TMEM178B: variants seen among roughly 807,000 people sequenced by gnomAD.
The protein encoded by TMEM178B is transmembrane protein 178B.
A neutral mutation model predicts 31.0 loss-of-function variants in TMEM178B; 5 were observed. The observed-to-expected ratio is 0.16, with a 90% CI of 0.08 to 0.34. The LOEUF (loss-of-function observed/expected upper bound fraction) is 0.34, where lower values mean the gene tolerates loss of function less well. Among genes scored for constraint, TMEM178B ranks in the 10% least tolerant of loss-of-function variants. The pLI is 1.00. For missense variants in TMEM178B, 275 were observed against 400.3 expected, an observed-to-expected ratio of 0.69 and a Z score of 2.67; for synonymous variants, 164 against 164.0, an observed-to-expected ratio of 1.00 and a Z score of 0.00.
At chr7:141,257,002 C>T (rs1046038854) in intron 2 of TMEM178B, among the ~76,000 whole-genome samples, 2 of 152,010 alleles carry the variant, frequency 1.3e-5, no homozygotes, top group Non-Finnish European at 2.9e-5. Flanking sequence ...TGGTGCTGGA[C>T]GAGATCACCT....
intron 2 of TMEM178B, among the ~76,000 whole-genome samples, chr7:141,283,008 C>A: frequency 6.6e-6 from 1 of 152,094 alleles, no homozygotes; most frequent in African/African-American, 2.4e-5. Flanking sequence ...ATTGTACCAA[C>A]CTAATAATGC....
chr7:141,363,370 A>C (rs896540607), intron 2 of TMEM178B, among the ~76,000 whole-genome samples: 2 of 152,192 alleles, frequency 1.3e-5, no homozygotes, highest in Non-Finnish European at 2.9e-5. Flanking sequence ...GTTTCTCAAG[A>C]TATCGTAACT....
chr7:141,207,597 G>C (rs1398811236), intron 1 of TMEM178B, among the ~76,000 whole-genome samples: 4 of 152,184 alleles, frequency 2.6e-5, no homozygotes, highest in Non-Finnish European at 5.9e-5. Context: ...TTGGAGAAAT[G>C]TCTGTTCAAA....
chr7:141,459,693 A>C (rs1035627605), intron 3 of TMEM178B, among the ~76,000 whole-genome samples: 1 of 152,250 alleles, frequency 6.6e-6, no homozygotes, highest in East Asian at 1.9e-4. Context: ...TCTAGGAGAC[A>C]GGACAATGGC....
At chr7:141,123,969 G>A (rs531740677) in intron 1 of TMEM178B, among the ~76,000 whole-genome samples, 27 of 152,258 alleles carry the variant, frequency 1.8e-4, no homozygotes, top group African/African-American at 6.3e-4. Flanking sequence ...TGCCCAGGCT[G>A]GTCTCAAACT....
chr7:141,232,771 G>T (rs1253059309), intron 2 of TMEM178B, among the ~76,000 whole-genome samples: 2 of 152,230 alleles, frequency 1.3e-5, no homozygotes, highest in Non-Finnish European at 2.9e-5. Context: ...TGGATCTCCA[G>T]CCACCCTACT....
intron 2 of TMEM178B, among the ~76,000 whole-genome samples, chr7:141,228,773 C>T (rs988285597): frequency 2.0e-5 from 3 of 152,126 alleles, no homozygotes; most frequent in Non-Finnish European, 4.4e-5. Context: ...TCCATTCGCT[C>T]GGCATCCATC....
chr7:141,383,594 A>G (rs6968682), intron 2 of TMEM178B, among the ~76,000 whole-genome samples: 33,534 of 152,082 alleles, frequency 0.22, 3,867 homozygotes, highest in Admixed American at 0.26. Flanking sequence ...TATATGTGCC[A>G]CATTTTCTTA....
At chr7:141,234,232 A>G (rs907124569) in intron 2 of TMEM178B, among the ~76,000 whole-genome samples, 1 of 152,204 alleles carries the variant, frequency 6.6e-6, no homozygotes, top group Non-Finnish European at 1.5e-5. Flanking sequence ...AAATCACTTC[A>G]ATAAAGGGCA....
At chr7:141,397,095 G>A (rs990045727) in intron 2 of TMEM178B, among the ~76,000 whole-genome samples, 4 of 152,168 alleles carry the variant, frequency 2.6e-5, no homozygotes, top group Admixed American at 6.5e-5. Context: ...GTCAGCTCAC[G>A]TTCATTGAAG....
At chr7:141,298,361 A>G (rs1798670833) in intron 2 of TMEM178B, among the ~76,000 whole-genome samples, 1 of 152,132 alleles carries the variant, frequency 6.6e-6, no homozygotes, top group South Asian at 2.1e-4. Flanking sequence ...CTTTAGTTTA[A>G]TTAGATCCCA....
intron 2 of TMEM178B, among the ~76,000 whole-genome samples, chr7:141,347,764 T>G (rs974144485): frequency 1.3e-5 from 2 of 151,980 alleles, no homozygotes; most frequent in Non-Finnish European, 2.9e-5. Flanking sequence ...TTTCCTGTCC[T>G]CCTCACCTCA....
chr7:141,304,221 C>T (rs1001759194), intron 2 of TMEM178B, among the ~76,000 whole-genome samples: 2 of 152,040 alleles, frequency 1.3e-5, no homozygotes, highest in Non-Finnish European at 2.9e-5. Context: ...TATCTTCCCA[C>T]CTGAAAGATC....
intron 2 of TMEM178B, among the ~76,000 whole-genome samples, chr7:141,303,858 C>G (rs977314504): frequency 1.3e-5 from 2 of 152,226 alleles, no homozygotes; most frequent in African/African-American, 2.4e-5. Flanking sequence ...TGGTCAGGCA[C>G]TATGCAAAGT....
At chr7:141,293,024 G>C (rs1798573250) in intron 2 of TMEM178B, among the ~76,000 whole-genome samples, 1 of 152,152 alleles carries the variant, frequency 6.6e-6, no homozygotes, top group Non-Finnish European at 1.5e-5. Context: ...CATGGCAAAA[G>C]GGTCCTGTGA....
At chr7:141,354,442 C>T (rs1799785089) in intron 2 of TMEM178B, among the ~76,000 whole-genome samples, 1 of 146,992 alleles carries the variant, frequency 6.8e-6, no homozygotes, top group African/African-American at 2.5e-5. Context: ...AAATTTGGCA[C>T]AGCAGACAGT....
At chr7:141,367,745 T>A (rs551555147) in intron 2 of TMEM178B, among the ~76,000 whole-genome samples, 10 of 152,214 alleles carry the variant, frequency 6.6e-5, no homozygotes, top group Admixed American at 5.9e-4. Context: ...CCCGACCTCC[T>A]CTCTTGGGAA....
intron 2 of TMEM178B, among the ~76,000 whole-genome samples, chr7:141,398,711 G>C (rs566805974): frequency 9.2e-5 from 14 of 152,308 alleles, no homozygotes; most frequent in Non-Finnish European, 8.8e-5. Context: ...GAAGCCACAG[G>C]GGGTACTGTG....
intron 2 of TMEM178B, among the ~76,000 whole-genome samples, chr7:141,303,199 C>T (rs1295926674): frequency 6.6e-6 from 1 of 152,108 alleles, no homozygotes; most frequent in Non-Finnish European, 1.5e-5. Flanking sequence ...CCCATTGCTA[C>T]GCTTCCTCCT....
Sources: allele counts gnomAD v4.1 joint callset (sites outside exome capture counted in the v4.1 genomes callset), GRCh38; gene constraint gnomAD v4.1.1; transcripts MANE v1.5; gene names NCBI Gene and HGNC (gene_info 2026-07-23, HGNC 2026-07-21).